MACF1: variants seen among roughly 807,000 people sequenced by gnomAD.
MACF1 encodes the protein microtubule actin crosslinking factor 1.
In MACF1, 193 loss-of-function variants were observed where a neutral mutation model predicts 854.8. That is an observed-to-expected ratio of 0.23 (90% CI 0.20 to 0.25). The LOEUF (loss-of-function observed/expected upper bound fraction) is 0.25. Among genes scored for constraint, MACF1 ranks in the 10% least tolerant of loss-of-function variants. The pLI is 1.00. For synonymous variants in MACF1, 3,185 were observed against 3,226.7 expected, an observed-to-expected ratio of 0.99 and a Z score of 0.44; for missense variants, 7,722 against 8,929.1, an observed-to-expected ratio of 0.86 and a Z score of 5.45.
chr1:39,319,375 C>T (rs975957895), intron 30 of MACF1, among the ~76,000 whole-genome samples: 13 of 151,994 alleles, frequency 8.6e-5, no homozygotes, highest in East Asian at 7.7e-4. Context: ...TTTGGGAGGC[C>T]GAGGCATGGG....
chr1:39,334,634 G>T lies in MACF1; in HGVS notation c.8046G>T (p.Lys2682Asn), dbSNP rs373477218. 1 of 1,613,958 alleles carries T rather than the reference G, an allele frequency of 6.2e-7. No individual in the cohort carries two copies. The highest frequency in any genetic ancestry group is 1.3e-5 in the African/African-American group (1 of 74,930). ...AAGTAGACTTTGCATCTACGCTGAA[G>T]GTTCTAGAAGCCCAGGCAAATACTG... is the stretch of plus-strand genomic sequence containing the variant. ...LGKVDFASTLKVLEAQANTGG... is the reference protein window; with the variant it reads ...LGKVDFASTLNVLEAQANTGG... The change falls in exon 37 of 101, where the codon AAG becomes AAT. Residue 2682 changes from lysine to asparagine, a missense_variant. Around this residue, in one of 15 missense-constraint regions of MACF1, gnomAD observed 1,531 missense variants for 1,601.6 expected, o/e 0.96. Coordinates refer to ENST00000564288, the MANE Select transcript of MACF1 (RefSeq NM_001394062.1).
intron 2 of MACF1, chr1:39,103,056 A>G (rs1337683135): frequency 1.5e-6 from 1 of 666,846 alleles, no homozygotes. Context: ...TTTAAATGCA[A>G]ATTTTGTCAA....
At chr1:39,452,476 G>T in intron 86 of MACF1, 126 bp downstream of exon 86, 1 of 1,126,526 alleles carries the variant, frequency 8.9e-7, no homozygotes, top group Non-Finnish European at 1.3e-6. Context: ...TTGATATTCT[G>T]AATGTTCTAT....
intron 21 of MACF1, among the ~76,000 whole-genome samples, chr1:39,298,967 T>G (rs1645982589): frequency 6.6e-6 from 1 of 152,104 alleles, no homozygotes; most frequent in South Asian, 2.1e-4. Flanking sequence ...CATCGGGGCA[T>G]GGAGTCACCT....
intron 48 of MACF1, 32 bp downstream of exon 48, chr1:39,361,033 G>A (rs1347003183): frequency 1.3e-6 from 2 of 1,569,238 alleles, no homozygotes; most frequent in Non-Finnish European, 1.8e-6. Flanking sequence ...CTAGCATAGA[G>A]GGTATGTTTG....
intron 2 of MACF1, among the ~76,000 whole-genome samples, chr1:39,156,118 G>A (rs980302282): frequency 2.2e-4 from 34 of 151,748 alleles, no homozygotes; most frequent in African/African-American, 7.2e-4. Flanking sequence ...CTCGTGATCC[G>A]CCTGCCTCGG....
At chr1:39,085,941 T>C (rs1289595395) in intron 2 of MACF1, among the ~76,000 whole-genome samples, 2 of 152,138 alleles carry the variant, frequency 1.3e-5, no homozygotes, top group Non-Finnish European at 1.5e-5. Flanking sequence ...TCCTCCTCTT[T>C]TAAGTGCCGC....
At chr1:39,158,423 A>C (rs1361692629) in intron 2 of MACF1, among the ~76,000 whole-genome samples, 1 of 152,186 alleles carries the variant, frequency 6.6e-6, no homozygotes, top group Non-Finnish European at 1.5e-5. Flanking sequence ...TGACTGCTGT[A>C]AGGAGAGTAC....
At position 39,444,684 on chromosome 1, in the gene MACF1, C is replaced by G; in HGVS notation, c.19454C>G (p.Ala6485Gly). ...THMELYSQLK[A>G]KEETYNQLLD... Reference sequence around the variant, plus strand: ...TAGGAACTCTATTCCCAGCTGAAAGCCAAGGAAGAGACTTATAATCAACTA... The same window carrying G: ...TAGGAACTCTATTCCCAGCTGAAAGGCAAGGAAGAGACTTATAATCAACTA... The change falls in exon 80 of 101, where the codon GCC (alanine) becomes GGC (glycine). Residue 6485 changes from alanine (A) to glycine (G), a missense_variant. Physicochemically the swap from Ala to Gly is moderately conservative, Grantham distance 60. Around this residue, in one of 15 missense-constraint regions of MACF1, gnomAD observed 729 missense variants for 900.5 expected, o/e 0.81. Coordinates refer to ENST00000564288, the MANE Select transcript of MACF1 (RefSeq NM_001394062.1). 6.2e-7 allele frequency: 1 copy of G among 1,612,236 alleles called. No homozygotes were observed. The highest frequency in any genetic ancestry group is 8.5e-7 in the Non-Finnish European group (1 of 1,179,052).
intron 74 of MACF1, among the ~76,000 whole-genome samples, chr1:39,441,728 TGTA>T (rs1557656815): frequency 6.6e-6 from 1 of 152,196 alleles, no homozygotes; most frequent in Non-Finnish European, 1.5e-5. Flanking sequence ...ATTTCCAAAT[TGTA>T]GTTTATTTTG....
At chr1:39,267,385 T>C (rs1314868387) in intron 6 of MACF1, among the ~76,000 whole-genome samples, 1 of 152,160 alleles carries the variant, frequency 6.6e-6, no homozygotes, top group African/African-American at 2.4e-5. Flanking sequence ...CGCATGCCAC[T>C]GTGCCCAGCT....
chr1:39,310,854 A>G lies in MACF1; in HGVS notation c.3124A>G (p.Lys1042Glu), dbSNP rs757745915. 1 of 1,613,248 alleles carries G rather than the reference A, an allele frequency of 6.2e-7. No individual in the cohort carries two copies. The highest frequency in any genetic ancestry group is 1.1e-5 in the South Asian group (1 of 90,936). Residue 1042 changes from lysine to glutamate, a missense_variant, in exon 26 of 101, where the codon AAG (lysine) becomes GAG (glutamate). Lys to Glu is a moderately conservative substitution (Grantham distance 56, BLOSUM62 1). Around this residue, in one of 15 missense-constraint regions of MACF1, gnomAD observed 1,137 missense variants for 1,263.0 expected, o/e 0.90. Coordinates refer to ENST00000564288, the MANE Select transcript of MACF1 (RefSeq NM_001394062.1). ...ENEDKEETVAKMYISELKNIR... is the reference protein window; with the variant it reads ...ENEDKEETVAEMYISELKNIR... ...AGAGGACAAAGAGGAGACTGTGGCC[A>G]AGATGTACATTTCAGAGTTGAAGAA...
chr1:39,321,338 C>T (rs1270659943), intron 31 of MACF1, among the ~76,000 whole-genome samples: 2 of 152,238 alleles, frequency 1.3e-5, no homozygotes, highest in African/African-American at 4.8e-5. Flanking sequence ...TACATAGGAC[C>T]ATGCCTCAAA....
At chr1:39,373,900 C>T (rs1649487116) in intron 52 of MACF1, among the ~76,000 whole-genome samples, 1 of 151,174 alleles carries the variant, frequency 6.6e-6, no homozygotes. Flanking sequence ...AAGATTGTGC[C>T]CAGATGTGTA....
At position 39,448,621 on chromosome 1, in the gene MACF1, C is replaced by G; in HGVS notation, c.20116C>G (p.Gln6706Glu). Residue 6706 changes from glutamine (Q) to glutamate (E), a missense_variant, in exon 84 of 101, where the codon CAG (glutamine) becomes GAG (glutamate). This residue lies in a region of MACF1 where 729 missense variants were observed against 900.5 expected (regional missense o/e 0.81). Transcript: ENST00000564288. ...GTTTCAGAAGACTCTTGGTGGCAAG[C>G]AGCCTGTGTATGATACCACAATTAG... ...KEFQKTLGGK[Q>E]PVYDTTIRTG... 6.3e-7 allele frequency: 1 copy of G among 1,576,414 alleles called. No homozygotes were observed. Among genetic ancestry groups the G allele is most frequent in the Non-Finnish European group, 8.6e-7 (1 of 1,159,842 alleles).
At chr1:39,372,256 G>T (rs767914277) in intron 51 of MACF1, among the ~76,000 whole-genome samples, 6 of 152,130 alleles carry the variant, frequency 3.9e-5, no homozygotes, top group Admixed American at 1.3e-4. Context: ...CTGAGCTTCT[G>T]GTTTTAGAAA....
intron 2 of MACF1, among the ~76,000 whole-genome samples, chr1:39,241,358 G>A (rs543183082): frequency 3.9e-5 from 6 of 152,098 alleles, no homozygotes; most frequent in South Asian, 2.1e-4. Context: ...TCAAGTTTTC[G>A]GCAGGTGTCA....
chr1:39,145,897 C>T (rs1444672905), intron 2 of MACF1, among the ~76,000 whole-genome samples: 2 of 152,142 alleles, frequency 1.3e-5, no homozygotes, highest in Admixed American at 6.5e-5. Context: ...TCTCCTTTTC[C>T]ACTTTGTAGC....
In MACF1 at chr1:39,387,979, A is replaced by G; in HGVS notation, c.15137A>G (p.Asn5046Ser). The change falls in exon 58 of 101, where the codon AAC (asparagine) becomes AGC (serine). Residue 5046 changes from asparagine to serine, a missense_variant. Around this residue, in one of 15 missense-constraint regions of MACF1, gnomAD observed 2,807 missense variants for 3,235.8 expected, o/e 0.87. Transcript: ENST00000564288. Reference sequence around the variant, plus strand: ...GCTCTGGGTTCTCAAGCCTGTAGCAACAAGAACCTGGAGAAGCTAAGAGCT... The same window carrying G: ...GCTCTGGGTTCTCAAGCCTGTAGCAGCAAGAACCTGGAGAAGCTAAGAGCT... ...FDALGSQACSNKNLEKLRAQQ... is the reference protein window; with the variant it reads ...FDALGSQACSSKNLEKLRAQQ... 3.7e-6 allele frequency: 6 copies of G among 1,614,124 alleles called. No individual in the cohort carries two copies. Among genetic ancestry groups the G allele is most frequent in the Non-Finnish European group, 5.1e-6 (6 of 1,180,018 alleles).
Sources: gnomAD v4.1 joint callset for allele counts (sites outside exome capture counted in the v4.1 genomes callset) on GRCh38, gnomAD v4.1.1 for gene constraint, gnomAD v4.1.1 regional missense constraint, MANE v1.5 for transcripts, NCBI Gene and HGNC (gene_info 2026-07-23, HGNC 2026-07-21) for gene names.